The following JAK2 variants were observed in gnomAD, a reference collection of about 807,000 sequenced individuals.
JAK2 encodes tyrosine-protein kinase JAK2.
Under a neutral mutation model 139.3 loss-of-function variants are expected in JAK2, and 86 were observed. The observed-to-expected ratio is 0.62, with a 90% CI of 0.52 to 0.74. JAK2 has a LOEUF of 0.74. Ranked by LOEUF, JAK2 falls within the 30% of genes least tolerant of loss-of-function variation. The probability of loss-of-function intolerance (pLI) is 0.00; values close to 1 mark genes in which losing one functional copy is unlikely to be tolerated. For synonymous variants in JAK2, 490 were observed against 437.7 expected (o/e 1.12, Z -1.49); for missense variants, 1,421 against 1,360.3 (o/e 1.04, Z -0.70).
chr9:5,115,526 A>T (rs1326268620), intron 22 of JAK2, among the ~76,000 whole-genome samples: 1 of 152,226 alleles, frequency 6.6e-6, no homozygotes, highest in Non-Finnish European at 1.5e-5. Flanking sequence ...ATCCAGAGTT[A>T]GAAATACCAT....
At chr9:5,106,087 G>A (rs923027324) in intron 22 of JAK2, among the ~76,000 whole-genome samples, 1 of 152,126 alleles carries the variant, frequency 6.6e-6, no homozygotes, top group African/African-American at 2.4e-5. Flanking sequence ...CTAAACAGCT[G>A]CACAGCAAAA....
At chr9:5,040,865 G>A (rs1451523886) in intron 4 of JAK2, 4 of 233,968 alleles carry the variant, frequency 1.7e-5, no homozygotes, top group South Asian at 4.2e-5. Context: ...GAGAGGGGCC[G>A]GAGCGCGGAT....
At chr9:5,091,081 CCA>C in intron 22 of JAK2, 170 bp downstream of exon 22, 1 of 503,052 alleles carries the variant, frequency 2.0e-6, no homozygotes, top group East Asian at 3.4e-5. Flanking sequence ...TGGTTATAGT[CCA>C]CGTGGGAAAA....
At chr9:5,081,062 A>G (rs962248643) in intron 18 of JAK2, among the ~76,000 whole-genome samples, 15 of 151,396 alleles carry the variant, frequency 9.9e-5, no homozygotes, top group African/African-American at 3.6e-4. Context: ...CACCCGGCTA[A>G]TTTTTTGTAT....
At chr9:5,084,074 G>A in intron 19 of JAK2, among the ~76,000 whole-genome samples, 1 of 151,808 alleles carries the variant, frequency 6.6e-6, no homozygotes, top group Non-Finnish European at 1.5e-5. Flanking sequence ...AACATTTTTA[G>A]TGTTTTCCAT....
chr9:5,010,159 C>T (rs1281555686), intron 2 of JAK2, among the ~76,000 whole-genome samples: 1 of 152,150 alleles, frequency 6.6e-6, no homozygotes, highest in Non-Finnish European at 1.5e-5. Context: ...CTGTAAATTT[C>T]TGATTTGCTG....
intron 5 of JAK2, among the ~76,000 whole-genome samples, chr9:5,049,815 A>T (rs183290437): frequency 6.6e-5 from 10 of 152,350 alleles, no homozygotes; most frequent in Middle Eastern, 3.4e-3. Flanking sequence ...TCTGTATGGT[A>T]TAGCCTATTA....
At chr9:5,066,330 A>G (rs1341075822) in intron 9 of JAK2, among the ~76,000 whole-genome samples, 1 of 152,138 alleles carries the variant, frequency 6.6e-6, no homozygotes, top group Non-Finnish European at 1.5e-5. Context: ...TCTGATATAT[A>G]ATCTTTATAG....
At chr9:5,015,363 A>C (rs1174867297) in intron 2 of JAK2, among the ~76,000 whole-genome samples, 1 of 152,210 alleles carries the variant, frequency 6.6e-6, no homozygotes, top group African/African-American at 2.4e-5. Context: ...GGGTTTAATG[A>C]AATTAAAATG....
Position 5,078,303 on chromosome 9 carries a change from T to A in JAK2, c.1993-3T>A, listed in dbSNP as rs2130589559. ...TGAATATATGTGCGTTTAACTCTAA[T>A]AGGAAGAAAACACCCTTATTCATGG... On this transcript the variant is annotated splice_region_variant and splice_polypyrimidine_tract_variant and intron_variant, in intron 15 of 24. Coordinates refer to ENST00000381652, the MANE Select transcript of JAK2 (RefSeq NM_004972.4). The A allele has an allele frequency of 3.7e-6, 6 of 1,609,988 alleles. No individual in the cohort carries two copies. The highest frequency in any genetic ancestry group is 5.1e-6 in the Non-Finnish European group (6 of 1,177,306).
At chr9:5,034,533 ACTGT>A (rs1397701354) in intron 4 of JAK2, among the ~76,000 whole-genome samples, 1 of 152,022 alleles carries the variant, frequency 6.6e-6, no homozygotes, top group Non-Finnish European at 1.5e-5. Context: ...ATTATAACAA[ACTGT>A]CTCTCAGACC....
intron 5 of JAK2, among the ~76,000 whole-genome samples, chr9:5,046,832 T>A (rs1405398517): frequency 6.6e-6 from 1 of 152,208 alleles, no homozygotes; most frequent in African/African-American, 2.4e-5. Context: ...CTGTTGCTTT[T>A]ACGGGTATAT....
chr9:5,117,127 C>A (rs1217590815), intron 22 of JAK2, among the ~76,000 whole-genome samples: 2 of 152,226 alleles, frequency 1.3e-5, no homozygotes, highest in Non-Finnish European at 2.9e-5. Flanking sequence ...CCCTTGGAAG[C>A]AGAGAGCAGC....
At chr9:5,067,302 G>A (rs992075578) in intron 10 of JAK2, among the ~76,000 whole-genome samples, 10 of 151,964 alleles carry the variant, frequency 6.6e-5, no homozygotes, top group Admixed American at 3.3e-4. Flanking sequence ...ATGTTTCAAC[G>A]GTAAAACTGC....
intron 3 of JAK2, among the ~76,000 whole-genome samples, chr9:5,028,546 A>C (rs1822930088): frequency 6.6e-6 from 1 of 152,216 alleles, no homozygotes; most frequent in African/African-American, 2.4e-5. Context: ...TTTGAAGGCA[A>C]GCACTGACTT....
intron 4 of JAK2, among the ~76,000 whole-genome samples, chr9:5,039,717 A>T (rs1052047487): frequency 6.6e-6 from 1 of 152,184 alleles, no homozygotes; most frequent in South Asian, 2.1e-4. Context: ...AAATGAAATT[A>T]AAAAAATTTC....
intron 8 of JAK2, among the ~76,000 whole-genome samples, chr9:5,063,497 C>G (rs1260495552): frequency 6.6e-6 from 1 of 152,064 alleles, no homozygotes; most frequent in East Asian, 1.9e-4. Context: ...GTTTTCATCT[C>G]TCTTATATTG....
At position 5,108,059 on chromosome 9, in the gene JAK2, A is replaced by T. The variant is rs932426620; in HGVS notation, c.3060-14945A>T. Reference sequence around the variant, plus strand: ...ACCCTATTGTTTTTTAACCAATTCAACAGTAACTCATCCAACTTCTCACTA... The same window carrying T: ...ACCCTATTGTTTTTTAACCAATTCATCAGTAACTCATCCAACTTCTCACTA... On this transcript the variant is annotated intron_variant, in intron 22 of 24. Coordinates refer to ENST00000381652, the MANE Select transcript of JAK2 (RefSeq NM_004972.4). 11 of 152,084 alleles carry T rather than the reference A, an allele frequency of 7.2e-5. 1 individual carries two copies. Among genetic ancestry groups the T allele is most frequent in the African/African-American group, 2.7e-4 (11 of 41,396 alleles). 9.4% of individuals were successfully genotyped at this position (152,084 alleles called of 1,614,324 possible).
intron 22 of JAK2, among the ~76,000 whole-genome samples, chr9:5,092,952 C>T (rs748492308): frequency 7.2e-5 from 11 of 152,162 alleles, no homozygotes; most frequent in East Asian, 3.8e-4. Flanking sequence ...AAAATAACAT[C>T]GCCATAGTTG....
Sources: allele counts gnomAD v4.1 joint callset (sites outside exome capture counted in the v4.1 genomes callset), GRCh38; gene constraint gnomAD v4.1.1; transcripts MANE v1.5; gene names NCBI Gene and HGNC (gene_info 2026-07-23, HGNC 2026-07-21).